DACH2: variants seen among roughly 807,000 people sequenced by gnomAD.
DACH2 encodes the protein dachshund homolog 2.
A neutral mutation model predicts 35.8 loss-of-function variants in DACH2; 17 were observed. That is an observed-to-expected ratio of 0.48 (90% confidence interval 0.33 to 0.71). The LOEUF (loss-of-function observed/expected upper bound fraction) is 0.71. Among genes scored for constraint, DACH2 ranks in the 30% least tolerant of loss-of-function variants. The pLI, the probability that DACH2 is intolerant of heterozygous loss-of-function variation, is 0.02. For synonymous variants in DACH2, 195 were observed against 177.3 expected, an observed-to-expected ratio of 1.10 and a Z score of -0.79; for missense variants, 469 against 472.7, an observed-to-expected ratio of 0.99 and a Z score of 0.07.
chrX:86,680,662 T>C (rs2040870822), intron 4 of DACH2, among the ~76,000 whole-genome samples: 1 of 104,922 alleles, frequency 9.5e-6, no homozygotes, highest in African/African-American at 3.5e-5. Flanking sequence ...CTTTTTTTTT[T>C]TTTTTTTTTG....
chrX:86,527,613 A>G (rs1274765450), intron 3 of DACH2, among the ~76,000 whole-genome samples: 1 of 112,217 alleles, frequency 8.9e-6, no homozygotes, highest in Non-Finnish European at 1.9e-5. Flanking sequence ...CAGACATTGG[A>G]GTTCTTTTAC....
chrX:86,624,990 G>A (rs2040117838), intron 3 of DACH2, among the ~76,000 whole-genome samples: 1 of 111,271 alleles, frequency 9.0e-6, no homozygotes, highest in Admixed American at 9.6e-5. Flanking sequence ...AAAAAGGTAG[G>A]AGAAAGATAA....
At chrX:86,642,148 A>G (rs997430103) in intron 3 of DACH2, among the ~76,000 whole-genome samples, 1 of 111,795 alleles carries the variant, frequency 8.9e-6, no homozygotes, top group Non-Finnish European at 1.9e-5. Context: ...GCCCCACTTA[A>G]AAGGTACATA....
chrX:86,219,234 C>T (rs940151188), intron 1 of DACH2, among the ~76,000 whole-genome samples: 1 of 110,704 alleles, frequency 9.0e-6, no homozygotes, highest in Non-Finnish European at 1.9e-5. Flanking sequence ...GGTTTATGGT[C>T]TCTAGGGAAT....
At chrX:86,711,367 C>A (rs751528386) in intron 5 of DACH2, among the ~76,000 whole-genome samples, 342 of 111,508 alleles carry the variant, frequency 3.1e-3, no homozygotes, top group Middle Eastern at 0.023. Flanking sequence ...CAGAGTGAGA[C>A]TCCGTCTCAT....
intron 3 of DACH2, among the ~76,000 whole-genome samples, chrX:86,568,892 T>C: frequency 9.0e-6 from 1 of 111,600 alleles, no homozygotes; most frequent in South Asian, 3.7e-4. Context: ...GGGAAGAAAT[T>C]CGTTACGTCT....
chrX:86,755,188 C>A (rs1168075585), intron 7 of DACH2, among the ~76,000 whole-genome samples: 1 of 111,621 alleles, frequency 9.0e-6, no homozygotes, highest in Non-Finnish European at 1.9e-5. Context: ...ACATTTTTTT[C>A]ATATATCTGT....
At chrX:86,375,652 T>C (rs1023558609) in intron 1 of DACH2, among the ~76,000 whole-genome samples, 13 of 107,586 alleles carry the variant, frequency 1.2e-4, no homozygotes, top group Non-Finnish European at 2.3e-4. Flanking sequence ...CAAATAGTTA[T>C]GGCAGTGGAG....
chrX:86,813,920 GATTT>G (rs2042420719), intron 9 of DACH2, among the ~76,000 whole-genome samples: 1 of 111,784 alleles, frequency 8.9e-6, no homozygotes, highest in Non-Finnish European at 1.9e-5. Flanking sequence ...CAGCACAGTA[GATTT>G]ATTTGCACCA....
chrX:86,489,686 A>G (rs917840313), intron 2 of DACH2, among the ~76,000 whole-genome samples: 1 of 111,797 alleles, frequency 8.9e-6, no homozygotes, highest in Non-Finnish European at 1.9e-5. Flanking sequence ...CTCGCTTCAT[A>G]AATTACATTT....
intron 1 of DACH2, chrX:86,262,860 G>A: frequency 3.2e-6 from 1 of 308,322 alleles, no homozygotes; most frequent in Non-Finnish European, 4.3e-6. Context: ...GAACAAATTG[G>A]AATGATTTAT....
chrX:86,161,513 A>T (rs1311445469), intron 1 of DACH2, among the ~76,000 whole-genome samples: 1 of 112,519 alleles, frequency 8.9e-6, no homozygotes, highest in African/African-American at 3.2e-5. Flanking sequence ...GAGGAATTAT[A>T]GCTTTGGATT....
At chrX:86,343,860 T>A (rs1024822074) in intron 1 of DACH2, among the ~76,000 whole-genome samples, 4 of 110,848 alleles carry the variant, frequency 3.6e-5, no homozygotes, top group South Asian at 7.7e-4. Flanking sequence ...ATCCATATTT[T>A]AAAAAAATTT....
chrX:86,599,824 C>T (rs997881845), intron 3 of DACH2, among the ~76,000 whole-genome samples: 1 of 110,546 alleles, frequency 9.0e-6, no homozygotes, highest in Admixed American at 9.8e-5. Context: ...TATTAGCTTG[C>T]GTATCCCAGA....
At chrX:86,242,072 C>A (rs2033176759) in intron 1 of DACH2, among the ~76,000 whole-genome samples, 1 of 112,838 alleles carries the variant, frequency 8.9e-6, no homozygotes, top group Non-Finnish European at 1.9e-5. Flanking sequence ...GGCTTGGAGC[C>A]CTCACACAGA....
At chrX:86,243,462 A>T (rs990316340) in intron 1 of DACH2, among the ~76,000 whole-genome samples, 3 of 111,976 alleles carry the variant, frequency 2.7e-5, no homozygotes, top group Admixed American at 9.5e-5. Context: ...ATGTTTTTTT[A>T]AAAAATAACT....
At chrX:86,205,455 TC>T (rs1569301460) in intron 1 of DACH2, among the ~76,000 whole-genome samples, 342 of 29,278 alleles carry the variant, frequency 0.012, 9 homozygotes, top group African/African-American at 0.099. Flanking sequence ...CCTCCCTCCC[TC>T]CCTCCCTCCC....
intron 2 of DACH2, among the ~76,000 whole-genome samples, chrX:86,465,708 A>C (rs1343977312): frequency 8.9e-6 from 1 of 111,927 alleles, no homozygotes; most frequent in African/African-American, 3.2e-5. Context: ...ATGCTTTTTC[A>C]AAATGGATGA....
At chrX:86,552,181 C>G (rs2039058565) in intron 3 of DACH2, among the ~76,000 whole-genome samples, 1 of 111,080 alleles carries the variant, frequency 9.0e-6, no homozygotes, top group Non-Finnish European at 1.9e-5. Context: ...TAGCCAATAC[C>G]TTTAATTCAA....
Sources: gnomAD v4.1 joint callset for allele counts (sites outside exome capture counted in the v4.1 genomes callset) on GRCh38, gnomAD v4.1.1 for gene constraint, MANE v1.5 for transcripts, NCBI Gene and HGNC (gene_info 2026-07-23, HGNC 2026-07-21) for gene names.